The following HEXD variants were observed in gnomAD, a reference collection of about 807,000 sequenced individuals.
HEXD encodes the protein N-acetyl-beta-galactosaminidase.
A neutral mutation model predicts 54.2 loss-of-function variants in HEXD; 47 were observed. That is an observed-to-expected ratio of 0.87 (90% CI 0.69 to 1.11). The LOEUF (loss-of-function observed/expected upper bound fraction) is 1.11. Among genes scored for constraint, HEXD ranks in the 50% least tolerant of loss-of-function variants. HEXD has a pLI of 0.00. For missense variants in HEXD, 576 were observed against 649.2 expected (o/e 0.89, Z 1.23); for synonymous variants, 293 against 287.6 (o/e 1.02, Z -0.19).
intron 2 of HEXD, among the ~76,000 whole-genome samples, chr17:82,423,835 A>G (rs930819484): frequency 5.4e-4 from 81 of 151,302 alleles, no homozygotes; most frequent in African/African-American, 1.9e-3. Context: ...AAAAGAGAGA[A>G]AGACAAGGAA....
rs1028410768 is a variant in HEXD at position 82,434,710 on chromosome 17, C to T, written c.447+888C>T. 1.1e-4 allele frequency among the ~76,000 whole-genome samples: 16 copies of T among 151,716 alleles called. No individual in the cohort carries two copies. Among genetic ancestry groups the T allele is most frequent in the African/African-American group, 2.2e-4 (9 of 41,254 alleles). ...AAAATCAGCCGGGCGTGATGGCGGG[C>T]GCCTGTAATCCCAGCTACTCAGGAG... On this transcript the variant is annotated intron_variant, in intron 5 of 12. Coordinates refer to ENST00000327949, the MANE Select transcript of HEXD (RefSeq NM_001330542.2). The surrounding 1 kb of genome is among the most constrained non-coding windows in gnomAD (Gnocchi z 4.5).
chr17:82,436,913 G>A (rs940131170), intron 7 of HEXD, 175 bp downstream of exon 7: 22 of 640,310 alleles, frequency 3.4e-5, no homozygotes, highest in African/African-American at 2.0e-4. Context: ...ACCGTGCACC[G>A]GTGCCTCACC....
intron 4 of HEXD, 85 bp downstream of exon 4, chr17:82,428,730 G>T: frequency 1.7e-6 from 2 of 1,157,334 alleles, no homozygotes; most frequent in Non-Finnish European, 2.6e-6. Context: ...CCAGGGGTGG[G>T]TGCAGCGGGC....
At chr17:82,422,423 G>T (rs959133531) in intron 2 of HEXD, among the ~76,000 whole-genome samples, 3 of 152,004 alleles carry the variant, frequency 2.0e-5, no homozygotes, top group Non-Finnish European at 4.4e-5. Flanking sequence ...CCTGAACCTG[G>T]GTGGTGGAGG....
chr17:82,433,845 T>C (rs2053681555), intron 5 of HEXD, 23 bp downstream of exon 5: 2 of 1,590,548 alleles, frequency 1.3e-6, no homozygotes, highest in Admixed American at 3.6e-5. Context: ...ACCCCAGCTC[T>C]GTGCAGGACA....
intron 12 of HEXD, 23 bp downstream of exon 12, chr17:82,441,912 G>T (rs1245292002): frequency 6.2e-7 from 1 of 1,606,382 alleles, no homozygotes; most frequent in Admixed American, 1.7e-5. Context: ...GCTCTTATAG[G>T]CCGTGCAGCC....
At chr17:82,424,271 A>G (rs2053329433) in intron 2 of HEXD, 123 bp from the exon 3 acceptor site, 1 of 692,800 alleles carries the variant, frequency 1.4e-6, no homozygotes, top group African/African-American at 1.8e-5. Context: ...TTCCCAGGAG[A>G]AATAGAAGTA....
Position 82,439,738 on chromosome 17 carries a change from G to A in HEXD, c.982+25G>A, listed in dbSNP as rs1409339156. On this transcript the variant is annotated intron_variant, in intron 9 of 12. Coordinates refer to ENST00000327949, the MANE Select transcript of HEXD (RefSeq NM_001330542.2). ...GGTATGTCTGGTCTGGCCACCCCAA[G>A]CCCCACCGGCCCCTCCCCGAAAGAC... 8 of 1,598,834 alleles carry A rather than the reference G, an allele frequency of 5.0e-6. No individual in the cohort carries two copies. In the Middle Eastern group the frequency reaches 6.6e-4, roughly 132 times the overall value.
chr17:82,424,554 G>A (rs572374490), intron 3 of HEXD, 51 bp downstream of exon 3: 4 of 1,370,014 alleles, frequency 2.9e-6, no homozygotes, highest in Non-Finnish European at 4.2e-6. Context: ...GCGGGGAAGG[G>A]GGGGTTCCGC....
chr17:82,441,693 G>A, intron 11 of HEXD, 107 bp from the exon 12 acceptor site: 1 of 881,576 alleles, frequency 1.1e-6, no homozygotes. Context: ...GGGGACATAA[G>A]ACTTAGAAAT....
chr17:82,437,359 C>T lies in HEXD; in HGVS notation c.895C>T (p.Gln299Ter). The T allele has an allele frequency of 1.3e-6, 2 of 1,594,500 alleles. No homozygotes were observed. The highest frequency in any genetic ancestry group is 1.1e-5 in the South Asian group (1 of 89,108). ...GCAGGGCATCATCCTGACCGGCTGG[C>T]AGAGGTAAGTCCTGGCCAGTCTGTC... is the stretch of plus-strand genomic sequence containing the variant. ...SLQGIILTGWQRYDHYSVLCE... is the reference protein window; with the variant it reads ...SLQGIILTGW Residue 299 changes from glutamine (Q) to a stop codon, truncating the protein, a stop_gained, in exon 8 of 13, where the codon CAG becomes TAG. Transcript: ENST00000327949. LOFTEE classifies it high-confidence loss of function.
chr17:82,441,173 C>T lies in HEXD; in HGVS notation c.1070C>T (p.Ala357Val). ...LEKTDPVREGAGSFPGSNILA... is the reference protein window; with the variant it reads ...LEKTDPVREGVGSFPGSNILA... ...AGCAGGGCTCTCCGCAGGGAGGGGGCCGGCTCCTTCCCTGGCAGCAACATC... is the reference window on the plus strand; with the variant it reads ...AGCAGGGCTCTCCGCAGGGAGGGGGTCGGCTCCTTCCCTGGCAGCAACATC... The change falls in exon 11 of 13, where the codon GCC (alanine) becomes GTC (valine). Residue 357 changes from alanine to valine, a missense_variant. Ala to Val is a moderately conservative substitution (Grantham distance 64). Coordinates refer to ENST00000327949, the MANE Select transcript of HEXD (RefSeq NM_001330542.2). 1.2e-6 allele frequency: 2 copies of T among 1,613,236 alleles called. No homozygotes were observed. The highest frequency in any genetic ancestry group is 1.1e-5 in the South Asian group (1 of 91,082).
chr17:82,442,006 T>C lies in HEXD; in HGVS notation c.1253+117T>C, dbSNP rs1418203633. ...GTGAGCCCCTAGTTGTAAAAGGCCC[T>C]CTGGTCTCAGATGTGCAGCTGTCAC... On this transcript the variant is annotated intron_variant, in intron 12 of 12. Coordinates refer to ENST00000327949, the MANE Select transcript of HEXD (RefSeq NM_001330542.2). This position sits in a 1 kb window ranked among gnomAD's most constrained non-coding sequence, Gnocchi z 6.8. The C allele has an allele frequency of 1.5e-6, 2 of 1,315,378 alleles. No homozygotes were observed. The highest frequency in any genetic ancestry group is 2.2e-6 in the Non-Finnish European group (2 of 930,050). The allele number at this position is 1,315,378 out of a possible 1,614,324, so 81.5% of individuals were successfully genotyped here.
In HEXD at chr17:82,435,803, C is replaced by G; in HGVS notation, c.562C>G (p.Arg188Gly). The G allele has an allele frequency of 6.2e-7, 1 of 1,612,668 alleles. No individual in the cohort carries two copies. The highest frequency in any genetic ancestry group is 2.2e-5 in the East Asian group (1 of 44,872). The change falls in exon 6 of 13, where the codon CGG (arginine) becomes GGG (glycine). Residue 188 changes from arginine (R) to glycine (G), a missense_variant. By Grantham distance (125) the Arg-to-Gly change is moderately radical. Transcript: ENST00000327949. ...MRAVASGVKA[R>G]RPSVTPLVWD... Reference sequence around the variant, plus strand: ...GGCGGTGGCCAGCGGCGTGAAGGCCCGGCGCCCCAGCGTGACACCCCTGGT... The same window carrying G: ...GGCGGTGGCCAGCGGCGTGAAGGCCGGGCGCCCCAGCGTGACACCCCTGGT...
chr17:82,435,983 G>T, intron 6 of HEXD, 111 bp downstream of exon 6: 1 of 1,023,650 alleles, frequency 9.8e-7, no homozygotes, highest in Admixed American at 2.6e-5. Flanking sequence ...CCCCAGCCCC[G>T]CACAGACCCG....
chr17:82,433,021 A>G lies in HEXD; in HGVS notation c.283-637A>G, dbSNP rs1193552655. Among the ~76,000 whole-genome samples, 144 of 130,000 alleles carry G rather than the reference A, an allele frequency of 1.1e-3. 1 individual carries two copies. The highest frequency in any genetic ancestry group is 2.5e-3 in the African/African-American group (86 of 34,854). The allele number at this position is 130,000 out of a possible 152,430, so 85.3% of individuals were successfully genotyped here. ...GCAGAGCTTGTAGTGAGCCGAGATC[A>G]TGCCACTGCACTCCAGACTGGGCGG... is the stretch of plus-strand genomic sequence containing the variant. On this transcript the variant is annotated intron_variant, in intron 4 of 12. Transcript: ENST00000327949.
In HEXD at chr17:82,439,032, A is replaced by G. The variant is rs554987686; in HGVS notation, c.900-599A>G. 2.3e-4 allele frequency among the ~76,000 whole-genome samples: 35 copies of G among 152,272 alleles called. No individual in the cohort carries two copies. In the South Asian group the frequency reaches 5.8e-3, roughly 25 times the overall value. ...TGTCACCCACCTCACAGCTGAAGAAACTGAGGCACGGGCAGGTGGAGGCAC... is the reference window on the plus strand; with the variant it reads ...TGTCACCCACCTCACAGCTGAAGAAGCTGAGGCACGGGCAGGTGGAGGCAC... On this transcript the variant is annotated intron_variant, in intron 8 of 12. Transcript: ENST00000327949.
chr17:82,437,415 A>G, intron 8 of HEXD, 52 bp downstream of exon 8: 2 of 1,462,180 alleles, frequency 1.4e-6, no homozygotes, highest in Non-Finnish European at 1.8e-6. Context: ...TCTGGTGGCC[A>G]CCACGTCGGC....
In HEXD at chr17:82,442,464, C is replaced by A. The variant is rs760168775; in HGVS notation, c.*80C>A. The stretch of plus-strand genomic sequence containing the variant: ...CCAAATGGCCTGGGCAATACGGGCC[C>A]ACGTGGGCGTCGTGCCCTCTGGCCC... On this transcript the variant is annotated 3_prime_UTR_variant, in exon 13 of 13. Transcript: ENST00000327949. This position sits in a 1 kb window ranked among gnomAD's most constrained non-coding sequence, Gnocchi z 6.8. 1 of 1,608,158 alleles carries A rather than the reference C, an allele frequency of 6.2e-7. No homozygotes were observed. The highest frequency in any genetic ancestry group is 1.1e-5 in the South Asian group (1 of 91,004).
Sources: allele counts gnomAD v4.1 joint callset (sites outside exome capture counted in the v4.1 genomes callset), GRCh38; gene constraint gnomAD v4.1.1; non-coding constraint Gnocchi (gnomAD v3.1); transcripts MANE v1.5; gene names NCBI Gene and HGNC (gene_info 2026-07-23, HGNC 2026-07-21).